The following SNAPC1 variants were observed in gnomAD, a reference collection of about 807,000 sequenced individuals.
SNAPC1 encodes the protein small nuclear RNA activating complex polypeptide 1, also known as snRNA-activating protein complex subunit 1.
Under a neutral mutation model 50.1 loss-of-function variants are expected in SNAPC1, and 42 were observed. The observed-to-expected ratio is 0.84, with a 90% CI of 0.65 to 1.08. The LOEUF is 1.08. Ranked by LOEUF, SNAPC1 falls within the 50% of genes least tolerant of loss-of-function variation. The pLI, the probability that SNAPC1 is intolerant of heterozygous loss-of-function variation, is 0.00. For synonymous variants in SNAPC1, 164 were observed against 144.2 expected (o/e 1.14, Z -0.98); for missense variants, 477 against 427.3 (o/e 1.12, Z -1.02).
At chr14:61,778,812 G>A in intron 6 of SNAPC1, 36 bp from the exon 7 acceptor site, 2 of 1,308,348 alleles carry the variant, frequency 1.5e-6, no homozygotes, top group African/African-American at 3.0e-5. Flanking sequence ...ATGTTTGTGT[G>A]TTTTAACTTT....
intron 4 of SNAPC1, among the ~76,000 whole-genome samples, chr14:61,770,650 G>A (rs914828160): frequency 6.6e-6 from 1 of 152,042 alleles, no homozygotes; most frequent in African/African-American, 2.4e-5. Flanking sequence ...CTTTATTTTT[G>A]AGCAAGGATC....
chr14:61,764,486 T>G (rs2044932604), intron 1 of SNAPC1, among the ~76,000 whole-genome samples: 1 of 152,170 alleles, frequency 6.6e-6, no homozygotes. Context: ...TTTATAGCTT[T>G]ATTTATTGCA....
At chr14:61,790,494 C>G in intron 8 of SNAPC1, among the ~76,000 whole-genome samples, 1 of 152,186 alleles carries the variant, frequency 6.6e-6, no homozygotes. Flanking sequence ...CGCCACCACG[C>G]CTGGCTGATT....
intron 4 of SNAPC1, among the ~76,000 whole-genome samples, chr14:61,769,262 G>A (rs879506402): frequency 1.4e-4 from 21 of 152,054 alleles, no homozygotes; most frequent in Admixed American, 1.4e-3. Context: ...GGAGGCTGAG[G>A]CTGGAGAATC....
At chr14:61,789,346 A>T (rs2045136642) in intron 8 of SNAPC1, among the ~76,000 whole-genome samples, 2 of 152,174 alleles carry the variant, frequency 1.3e-5, no homozygotes, top group Admixed American at 6.5e-5. Context: ...AAGGCTTTTT[A>T]AAAAAGTATG....
intron 8 of SNAPC1, among the ~76,000 whole-genome samples, chr14:61,788,665 A>G (rs2045131415): frequency 6.6e-6 from 1 of 152,206 alleles, no homozygotes; most frequent in Non-Finnish European, 1.5e-5. Flanking sequence ...TAAAGATAAT[A>G]CCCATTGATA....
chr14:61,762,574 C>T lies in SNAPC1; in HGVS notation c.114C>T (p.Phe38=). The change falls in exon 1 of 10, where the codon TTC becomes TTT. Residue 38 remains phenylalanine (F), a synonymous_variant. Coordinates refer to ENST00000216294, the MANE Select transcript of SNAPC1 (RefSeq NM_003082.4). The part of the protein sequence containing the change: ...DFTELWRNMK[F]GTIFCGRMRN... ...CGGAGCTCTGGAGAAACATGAAGTTCGGGACTATCTTCTGGTGGGTGTTTC... is the reference window on the plus strand; with the variant it reads ...CGGAGCTCTGGAGAAACATGAAGTTTGGGACTATCTTCTGGTGGGTGTTTC... 6.2e-7 allele frequency: 1 copy of T among 1,611,142 alleles called. No individual in the cohort carries two copies. Among genetic ancestry groups the T allele is most frequent in the Non-Finnish European group, 8.5e-7 (1 of 1,178,806 alleles).
intron 2 of SNAPC1, 85 bp from the exon 3 acceptor site, chr14:61,767,127 A>G: frequency 9.0e-7 from 1 of 1,114,444 alleles, no homozygotes; most frequent in Non-Finnish European, 1.2e-6. Flanking sequence ...TATGATTTAA[A>G]TAAAATGCCA....
intron 1 of SNAPC1, among the ~76,000 whole-genome samples, chr14:61,763,563 T>A (rs2044925037): frequency 6.6e-6 from 1 of 151,648 alleles, no homozygotes; most frequent in Admixed American, 6.6e-5. Context: ...AACTCTCTTG[T>A]TTTGTCCACC....
intron 4 of SNAPC1, among the ~76,000 whole-genome samples, chr14:61,770,822 A>G (rs1322743965): frequency 1.3e-5 from 2 of 151,036 alleles, no homozygotes; most frequent in Non-Finnish European, 3.0e-5. Flanking sequence ...GCAACCTGCA[A>G]CCTCTGCCTC....
chr14:61,762,741 A>T (rs2044916069), intron 1 of SNAPC1, among the ~76,000 whole-genome samples, 153 bp downstream of exon 1: 1 of 152,010 alleles, frequency 6.6e-6, no homozygotes, highest in African/African-American at 2.4e-5. Flanking sequence ...CCCTGTGCTC[A>T]GGCAACGCGC....
At chr14:61,792,994 G>A (rs1566594749) in intron 9 of SNAPC1, 92 bp downstream of exon 9, 1 of 614,580 alleles carries the variant, frequency 1.6e-6, no homozygotes, top group Admixed American at 2.9e-5. Flanking sequence ...ATGACAGTTT[G>A]CTGTGTGTTC....
chr14:61,795,136 A>G lies in SNAPC1; in HGVS notation c.*153A>G. 1 of 511,580 alleles carries G rather than the reference A, an allele frequency of 2.0e-6. No homozygotes were observed. Among genetic ancestry groups the G allele is most frequent in the Non-Finnish European group, 3.5e-6 (1 of 287,374 alleles). 31.7% of individuals were successfully genotyped at this position (511,580 alleles called of 1,614,324 possible). ...GGAAATTGCAATACGTAGTTCTAGAATAAAAGTACAAAAAATTAGAATAAG... is the reference window on the plus strand; with the variant it reads ...GGAAATTGCAATACGTAGTTCTAGAGTAAAAGTACAAAAAATTAGAATAAG... On this transcript the variant is annotated 3_prime_UTR_variant, in exon 10 of 10. Transcript: ENST00000216294.
chr14:61,770,896 C>T (rs924917530), intron 4 of SNAPC1, among the ~76,000 whole-genome samples: 4 of 152,062 alleles, frequency 2.6e-5, no homozygotes, highest in African/African-American at 4.8e-5. Context: ...TACGCACCAC[C>T]ACACTCGGCT....
chr14:61,779,613 C>T (rs183088445), intron 7 of SNAPC1, among the ~76,000 whole-genome samples: 4 of 149,364 alleles, frequency 2.7e-5, no homozygotes, highest in Non-Finnish European at 5.9e-5. Flanking sequence ...AACTTTTTCT[C>T]TTTAAGGATA....
chr14:61,764,284 T>C (rs1310287966), intron 1 of SNAPC1, among the ~76,000 whole-genome samples: 1 of 152,262 alleles, frequency 6.6e-6, no homozygotes, highest in Non-Finnish European at 1.5e-5. Context: ...ACTGATTTTC[T>C]GAATGAGTTA....
At chr14:61,767,140 A>G (rs1314794637) in intron 2 of SNAPC1, 72 bp from the exon 3 acceptor site, 3 of 1,174,462 alleles carry the variant, frequency 2.6e-6, no homozygotes. Context: ...AAATGCCAGT[A>G]TTTTAAAATT....
At chr14:61,788,946 A>G (rs1359043279) in intron 8 of SNAPC1, among the ~76,000 whole-genome samples, 1 of 152,210 alleles carries the variant, frequency 6.6e-6, no homozygotes, top group African/African-American at 2.4e-5. Context: ...CTAAAAAGCT[A>G]GGGAGGCTGG....
At chr14:61,792,154 T>G (rs1470057768) in intron 8 of SNAPC1, among the ~76,000 whole-genome samples, 2 of 151,048 alleles carry the variant, frequency 1.3e-5, no homozygotes, top group African/African-American at 4.9e-5. Context: ...ATAAAAGTGT[T>G]GGGGCAAAGA....
Sources: allele counts gnomAD v4.1 joint callset (sites outside exome capture counted in the v4.1 genomes callset), GRCh38; gene constraint gnomAD v4.1.1; transcripts MANE v1.5; gene names NCBI Gene and HGNC (gene_info 2026-07-23, HGNC 2026-07-21).